R3HDM1: variants seen among roughly 807,000 people sequenced by gnomAD.
The protein encoded by R3HDM1 is R3H domain-containing protein 1.
R3HDM1 carries 46 observed loss-of-function variants against 141.1 expected under a neutral mutation model. The ratio of observed to expected loss-of-function variants is 0.33; its 90% CI spans 0.26 to 0.42. The LOEUF (loss-of-function observed/expected upper bound fraction) is 0.42, where lower values mean the gene tolerates loss of function less well. Among genes scored for constraint, R3HDM1 ranks in the 10% least tolerant of loss-of-function variants. The probability of loss-of-function intolerance (pLI) is 1.00; values close to 1 mark genes in which losing one functional copy is unlikely to be tolerated. For missense variants in R3HDM1, 1,184 were observed against 1,368.3 expected (o/e 0.87, Z 2.12); for synonymous variants, 435 against 472.9 (o/e 0.92, Z 1.04).
intron 1 of R3HDM1, among the ~76,000 whole-genome samples, chr2:135,539,567 G>A (rs1697015234): frequency 6.6e-6 from 1 of 151,974 alleles, no homozygotes; most frequent in African/African-American, 2.4e-5. Flanking sequence ...GAGATACTGC[G>A]AGTTCAGTTC....
intron 26 of R3HDM1, among the ~76,000 whole-genome samples, chr2:135,723,515 T>G (rs1467394652): frequency 1.3e-5 from 2 of 151,736 alleles, no homozygotes; most frequent in Admixed American, 1.3e-4. Flanking sequence ...CTCATGCCTG[T>G]AATCCTCTCA....
At chr2:135,535,438 G>T (rs1695861802) in intron 1 of R3HDM1, among the ~76,000 whole-genome samples, 1 of 151,920 alleles carries the variant, frequency 6.6e-6, no homozygotes, top group African/African-American at 2.4e-5. Flanking sequence ...GGTGGAGGTT[G>T]CGGTGAGCTG....
At position 135,537,605 on chromosome 2, in the gene R3HDM1, G is replaced by A. The variant is rs1161329085; in HGVS notation, c.-250+5972G>A. 2.2e-5 allele frequency among the ~76,000 whole-genome samples: 3 copies of A among 138,226 alleles called. No individual in the cohort carries two copies. The East Asian group carries it at 7.5e-4, about 35-fold the overall frequency. 90.7% of individuals were successfully genotyped at this position (138,226 alleles called of 152,430 possible). On this transcript the variant is annotated intron_variant, in intron 1 of 26. Transcript: ENST00000683871. ...CCAGCCTAGGCCTTCATTTTAGTGAGCCCTTATTTTATTTTATTTTATTTT... is the reference window on the plus strand; with the variant it reads ...CCAGCCTAGGCCTTCATTTTAGTGAACCCTTATTTTATTTTATTTTATTTT...
At chr2:135,608,927 A>G (rs1321024110) in intron 3 of R3HDM1, among the ~76,000 whole-genome samples, 4 of 152,334 alleles carry the variant, frequency 2.6e-5, no homozygotes, top group Admixed American at 2.6e-4. Flanking sequence ...AAGGAAACAA[A>G]TGTTTACCTT....
At chr2:135,586,001 AAG>A (rs1202800827) in intron 1 of R3HDM1, among the ~76,000 whole-genome samples, 2 of 152,214 alleles carry the variant, frequency 1.3e-5, no homozygotes, top group African/African-American at 4.8e-5. Flanking sequence ...AAAAGTGTCA[AAG>A]AGAGTAATTT....
At chr2:135,541,267 C>T (rs1190344747) in intron 1 of R3HDM1, among the ~76,000 whole-genome samples, 1 of 152,030 alleles carries the variant, frequency 6.6e-6, no homozygotes, top group East Asian at 1.9e-4. Flanking sequence ...GTAGCGCAAT[C>T]TCGGCTCACT....
intron 1 of R3HDM1, among the ~76,000 whole-genome samples, chr2:135,572,556 G>A (rs1465924690): frequency 1.3e-5 from 2 of 152,220 alleles, no homozygotes; most frequent in East Asian, 1.9e-4. Context: ...TAAGGATGTG[G>A]AGAAATTGGA....
chr2:135,537,472 G>T (rs1696450333), intron 1 of R3HDM1, among the ~76,000 whole-genome samples: 1 of 150,896 alleles, frequency 6.6e-6, no homozygotes, highest in Admixed American at 6.6e-5. Context: ...TTTTAGTAGA[G>T]ACAGGATTTT....
chr2:135,566,329 T>C (rs1702790262), intron 1 of R3HDM1, among the ~76,000 whole-genome samples: 1 of 152,292 alleles, frequency 6.6e-6, no homozygotes, highest in East Asian at 1.9e-4. Flanking sequence ...GTAATACTAA[T>C]CTAGAATATA....
rs150394823 is a variant in R3HDM1 at position 135,645,433 on chromosome 2, C to T, written c.1529C>T (p.Thr510Ile). Reference protein sequence around the residue: ...GSPVVYNPPMTQQPVRSQVPG... With the variant: ...GSPVVYNPPMIQQPVRSQVPG... ...CCAGTTGTGTATAATCCTCCTATGA[C>T]TCAACAACCAGTTAGATCCCAAGTG... Residue 510 changes from threonine to isoleucine, a missense_variant, in exon 16 of 27, where the codon ACT (threonine) becomes ATT (isoleucine). Around this residue, in one of 5 missense-constraint regions of R3HDM1, gnomAD observed 563 missense variants for 562.0 expected, o/e 1.00. Coordinates refer to ENST00000683871, the MANE Select transcript of R3HDM1 (RefSeq NM_001378107.1). The T allele has an allele frequency of 9.3e-6, 15 of 1,613,004 alleles. No individual in the cohort carries two copies. The African/African-American group carries it at 1.7e-4, about 19-fold the overall frequency.
intron 21 of R3HDM1, among the ~76,000 whole-genome samples, chr2:135,683,633 C>CAT (rs2070748627): frequency 1.3e-5 from 2 of 148,380 alleles, no homozygotes; most frequent in South Asian, 4.3e-4. Flanking sequence ...TTTTTTAAAA[C>CAT]ATAGCAGCAT....
chr2:135,573,781 T>TC (rs1407907690), intron 1 of R3HDM1, among the ~76,000 whole-genome samples: 1 of 151,844 alleles, frequency 6.6e-6, no homozygotes, highest in Non-Finnish European at 1.5e-5. Flanking sequence ...AGCCAACTGT[T>TC]CCCCCCACAA....
chr2:135,575,565 A>G (rs1705221072), intron 1 of R3HDM1, among the ~76,000 whole-genome samples: 1 of 152,218 alleles, frequency 6.6e-6, no homozygotes, highest in South Asian at 2.1e-4. Flanking sequence ...ATTAATCCAA[A>G]TGATAATAGA....
intron 7 of R3HDM1, among the ~76,000 whole-genome samples, chr2:135,627,956 G>C (rs576418296): frequency 1.3e-5 from 2 of 152,144 alleles, no homozygotes; most frequent in East Asian, 3.9e-4. Flanking sequence ...CTAAAAGATT[G>C]TTAGCCCTTC....
chr2:135,554,370 T>C (rs1386443670), intron 1 of R3HDM1, among the ~76,000 whole-genome samples: 2 of 152,260 alleles, frequency 1.3e-5, no homozygotes, highest in Non-Finnish European at 2.9e-5. Context: ...CATTTCTGAA[T>C]AATATGCGTT....
chr2:135,573,782 C>A (rs908481966), intron 1 of R3HDM1, among the ~76,000 whole-genome samples: 17 of 152,104 alleles, frequency 1.1e-4, no homozygotes, highest in African/African-American at 3.4e-4. Flanking sequence ...GCCAACTGTT[C>A]CCCCCACAAC....
chr2:135,590,480 A>G (rs747983827), intron 1 of R3HDM1: 3 of 890,512 alleles, frequency 3.4e-6, no homozygotes, highest in African/African-American at 1.8e-5. Flanking sequence ...GTTAAATATG[A>G]ATAACTACTA....
intron 7 of R3HDM1, among the ~76,000 whole-genome samples, chr2:135,631,044 T>A (rs2062660925): frequency 6.6e-6 from 1 of 152,166 alleles, no homozygotes; most frequent in Non-Finnish European, 1.5e-5. Flanking sequence ...TGGGAAAATT[T>A]AAAAATATAT....
chr2:135,602,980 C>T (rs931856533), intron 2 of R3HDM1, among the ~76,000 whole-genome samples: 1 of 151,814 alleles, frequency 6.6e-6, no homozygotes, highest in African/African-American at 2.4e-5. Flanking sequence ...TCCTAAAATC[C>T]ATTTATTTAT....
Sources: allele counts gnomAD v4.1 joint callset (sites outside exome capture counted in the v4.1 genomes callset), GRCh38; gene constraint gnomAD v4.1.1; regional missense constraint gnomAD v4.1.1; transcripts MANE v1.5; gene names NCBI Gene and HGNC (gene_info 2026-07-23, HGNC 2026-07-21).